The following ADK variants were observed in gnomAD, a reference collection of about 807,000 sequenced individuals.
ADK encodes the protein adenosine kinase, also known as N6,N6-dimethyladenosine kinase.
Under a neutral mutation model 44.7 loss-of-function variants are expected in ADK, and 24 were observed. The observed-to-expected ratio is 0.54, with a 90% confidence interval of 0.39 to 0.76. ADK has a LOEUF of 0.76. Among genes scored for constraint, ADK ranks in the 30% least tolerant of loss-of-function variants. The pLI is 0.00. For synonymous variants in ADK, 128 were observed against 142.6 expected (o/e 0.90, Z 0.73); for missense variants, 321 against 425.1 (o/e 0.76, Z 2.15).
At chr10:74,321,338 C>G (rs1840801807) in intron 4 of ADK, among the ~76,000 whole-genome samples, 1 of 151,788 alleles carries the variant, frequency 6.6e-6, no homozygotes, top group African/African-American at 2.4e-5. Context: ...GGCTGGAGTG[C>G]AGTGGTGCGA....
chr10:74,498,522 C>T (rs11812696), intron 6 of ADK, among the ~76,000 whole-genome samples: 6,799 of 152,250 alleles, frequency 0.045, 467 homozygotes, highest in African/African-American at 0.14. Context: ...TAACTCTACA[C>T]TTTATTTTTT....
intron 4 of ADK, among the ~76,000 whole-genome samples, chr10:74,368,362 G>A (rs986315619): frequency 6.6e-6 from 1 of 151,866 alleles, no homozygotes; most frequent in Non-Finnish European, 1.5e-5. Flanking sequence ...TCCCATCTTG[G>A]CCCCACAAAG....
chr10:74,441,040 C>G (rs559196427), intron 6 of ADK, among the ~76,000 whole-genome samples: 108 of 152,160 alleles, frequency 7.1e-4, no homozygotes, highest in Middle Eastern at 3.4e-3. Context: ...CAGCTAAGTT[C>G]CAAAAAGTAA....
At chr10:74,660,884 T>C (rs1854696357) in intron 9 of ADK, among the ~76,000 whole-genome samples, 1 of 151,246 alleles carries the variant, frequency 6.6e-6, no homozygotes, top group Non-Finnish European at 1.5e-5. Context: ...ATACAAAAAT[T>C]AGCTGGGCGT....
chr10:74,457,363 AGGACCAGATGG>A (rs1845992533), intron 6 of ADK, among the ~76,000 whole-genome samples: 1 of 152,250 alleles, frequency 6.6e-6, no homozygotes, highest in Admixed American at 6.5e-5. Flanking sequence ...AAAAAAGCCC[AGGACCAGATGG>A]ATTCACAACT....
At chr10:74,481,220 A>C (rs1847060541) in intron 6 of ADK, among the ~76,000 whole-genome samples, 1 of 152,222 alleles carries the variant, frequency 6.6e-6, no homozygotes, top group Non-Finnish European at 1.5e-5. Flanking sequence ...AGAGAATACG[A>C]AGATAAATTT....
chr10:74,208,006 G>A (rs1257554839), intron 2 of ADK, among the ~76,000 whole-genome samples: 2 of 152,212 alleles, frequency 1.3e-5, no homozygotes, highest in African/African-American at 4.8e-5. Flanking sequence ...AGGGGGCTGA[G>A]GGGGCAGGGG....
chr10:74,474,124 AT>A (rs113946112), intron 6 of ADK, among the ~76,000 whole-genome samples: 1,760 of 150,542 alleles, frequency 0.012, 40 homozygotes, highest in African/African-American at 0.04. Flanking sequence ...ATATTCTTTA[AT>A]TTTTTTTTCG....
intron 6 of ADK, among the ~76,000 whole-genome samples, chr10:74,434,284 C>T (rs1401450856): frequency 6.6e-6 from 1 of 152,044 alleles, no homozygotes; most frequent in Non-Finnish European, 1.5e-5. Context: ...GATTACACCA[C>T]TGGTGATAGA....
At chr10:74,436,882 A>G (rs533506272) in intron 6 of ADK, among the ~76,000 whole-genome samples, 29 of 152,198 alleles carry the variant, frequency 1.9e-4, no homozygotes, top group Non-Finnish European at 3.8e-4. Context: ...CAAATAAGCA[A>G]TAAATAGAAA....
At chr10:74,546,690 T>C (rs1413948468) in intron 7 of ADK, among the ~76,000 whole-genome samples, 1 of 152,114 alleles carries the variant, frequency 6.6e-6, no homozygotes, top group African/African-American at 2.4e-5. Context: ...TTTTGGTACC[T>C]CTTAGGAAAA....
chr10:74,255,514 T>C (rs1300943361), intron 3 of ADK, among the ~76,000 whole-genome samples: 2 of 152,196 alleles, frequency 1.3e-5, no homozygotes, highest in African/African-American at 4.8e-5. Context: ...GTCAATTAAC[T>C]GGGGGCATAA....
intron 9 of ADK, among the ~76,000 whole-genome samples, chr10:74,643,761 G>C (rs565686138): frequency 6.6e-6 from 1 of 152,226 alleles, no homozygotes; most frequent in South Asian, 2.1e-4. Flanking sequence ...GGCAGGCATG[G>C]GGACATTGGC....
chr10:74,602,171 G>A (rs1171737418), intron 9 of ADK, among the ~76,000 whole-genome samples: 1 of 147,146 alleles, frequency 6.8e-6, no homozygotes, highest in Non-Finnish European at 1.5e-5. Flanking sequence ...AGTAAGCAAA[G>A]GCACAAGTAC....
At position 74,681,902 on chromosome 10, in the gene ADK, C is replaced by G. The variant is rs376896223; in HGVS notation, c.964+11633C>G. On this transcript the variant is annotated intron_variant, in intron 10 of 10. Coordinates refer to ENST00000539909, the MANE Select transcript of ADK (RefSeq NM_006721.4). ...GTTAAGCTGTCTGTTATTTAGTCCT[C>G]TTGGAAACATATAGGTCAAGAGTCA... 2.7e-5 allele frequency among the ~76,000 whole-genome samples: 4 copies of G among 150,532 alleles called. No individual in the cohort carries two copies. In the East Asian group the frequency reaches 5.8e-4, roughly 22 times the overall value.
chr10:74,231,195 A>G (rs981244061), intron 3 of ADK, among the ~76,000 whole-genome samples: 1 of 152,226 alleles, frequency 6.6e-6, no homozygotes, highest in African/African-American at 2.4e-5. Context: ...AGGATGCAAC[A>G]CAAAGCTATT....
At chr10:74,594,451 CAAG>C (rs1851826730) in intron 8 of ADK, among the ~76,000 whole-genome samples, 1 of 150,626 alleles carries the variant, frequency 6.6e-6, no homozygotes, top group Non-Finnish European at 1.5e-5. Context: ...TCATACAAAG[CAAG>C]GAGGTAAAGA....
chr10:74,450,439 T>C (rs1845735249), intron 6 of ADK, among the ~76,000 whole-genome samples: 1 of 152,258 alleles, frequency 6.6e-6, no homozygotes, highest in Non-Finnish European at 1.5e-5. Flanking sequence ...TGCAGTTTTG[T>C]CTGCTCTTCA....
chr10:74,370,863 T>C (rs562790354), intron 4 of ADK, among the ~76,000 whole-genome samples: 1 of 152,144 alleles, frequency 6.6e-6, no homozygotes, highest in Non-Finnish European at 1.5e-5. Context: ...TGTGAGCCAC[T>C]GCACCCAGGC....
Sources: allele counts gnomAD v4.1 joint callset (sites outside exome capture counted in the v4.1 genomes callset), GRCh38; gene constraint gnomAD v4.1.1; transcripts MANE v1.5; gene names NCBI Gene and HGNC (gene_info 2026-07-23, HGNC 2026-07-21).